Variants in GALK2 observed in about 807,000 individuals in gnomAD.
GALK2 encodes the protein N-acetylgalactosamine kinase.
A neutral mutation model predicts 52.4 loss-of-function variants in GALK2; 36 were observed. That is an observed-to-expected ratio of 0.69 (90% CI 0.53 to 0.91). The LOEUF is 0.91. Among genes scored for constraint, GALK2 ranks in the 40% least tolerant of loss-of-function variants. The probability of loss-of-function intolerance (pLI) is 0.00; values close to 1 mark genes in which losing one functional copy is unlikely to be tolerated. For synonymous variants in GALK2, 176 were observed against 199.1 expected (o/e 0.88, Z 0.98); for missense variants, 579 against 559.1 (o/e 1.04, Z -0.36).
chr15:49,183,991 A>G (rs190434152), intron 1 of GALK2, among the ~76,000 whole-genome samples: 1 of 152,268 alleles, frequency 6.6e-6, no homozygotes, highest in East Asian at 1.9e-4. Context: ...TCCATTTGTT[A>G]TAGTGCAGAT....
At chr15:49,190,573 T>C (rs1478037421) in intron 1 of GALK2, among the ~76,000 whole-genome samples, 2 of 152,248 alleles carry the variant, frequency 1.3e-5, no homozygotes, top group Non-Finnish European at 2.9e-5. Context: ...AATTTAGTTT[T>C]GTTAAAGCAA....
At chr15:49,165,817 T>A (rs1408355991), upstream of GALK2, among the ~76,000 whole-genome samples, 1 of 150,480 alleles carries the variant, frequency 6.6e-6, no homozygotes, top group African/African-American at 2.4e-5. Flanking sequence ...TTTTTTTTTT[T>A]ATTGAGACGG....
rs748578957 is a variant in GALK2, at chr15:49,217,351, G to T, written c.266+38G>T. On this transcript the variant is annotated intron_variant, in intron 3 of 9. Coordinates refer to ENST00000560031, the MANE Select transcript of GALK2 (RefSeq NM_002044.4). ...AATTGTTAGTGTGTGTGTATGTATG[G>T]TTCTGTTTGTACCCAAATGAACTCT... is the stretch of plus-strand genomic sequence containing the variant. 6.9e-6 allele frequency: 11 copies of T among 1,599,808 alleles called. No homozygotes were observed. The East Asian group carries it at 2.5e-4, about 36-fold the overall frequency.
chr15:49,181,694 A>G (rs2141223346), intron 1 of GALK2, among the ~76,000 whole-genome samples: 1 of 152,018 alleles, frequency 6.6e-6, no homozygotes, highest in Non-Finnish European at 1.5e-5. Context: ...GTATTTAAAA[A>G]AAATAGTTTT....
chr15:49,356,937 A>T (rs1332944845), intron 3 of GALK2, among the ~76,000 whole-genome samples: 1 of 148,938 alleles, frequency 6.7e-6, no homozygotes, highest in Non-Finnish European at 1.5e-5. Flanking sequence ...ATCTCACTCA[A>T]AACCGCTCCA....
intron 5 of GALK2, among the ~76,000 whole-genome samples, chr15:49,271,595 C>G (rs2030633143): frequency 6.6e-6 from 1 of 152,166 alleles, no homozygotes; most frequent in South Asian, 2.1e-4. Flanking sequence ...GCTGAATGAT[C>G]TTGGGCAGTT....
Position 49,328,270 on chromosome 15 carries a change from G to A in GALK2, c.*111G>A. On this transcript the variant is annotated 3_prime_UTR_variant, in exon 10 of 10. Transcript: ENST00000560031. ...CTGTTTTGTATTATGATGAACGGTT[G>A]CTATTATATCAAGATATATTTTCAA... The A allele has an allele frequency of 1.4e-6, 2 of 1,450,956 alleles. No individual in the cohort carries two copies. Among genetic ancestry groups the A allele is most frequent in the South Asian group, 1.5e-5 (1 of 66,604 alleles). 89.9% of individuals were successfully genotyped at this position (1,450,956 alleles called of 1,614,324 possible). A position where few individuals can be genotyped will look rare whatever the true frequency, so the allele number is the denominator to read the frequency against.
intron 5 of GALK2, among the ~76,000 whole-genome samples, chr15:49,249,741 C>G (rs748766806): frequency 3.3e-5 from 5 of 152,202 alleles, no homozygotes; most frequent in Non-Finnish European, 7.3e-5. Flanking sequence ...TCTTAAATAT[C>G]TGCTAGCTCT....
intron 5 of GALK2, among the ~76,000 whole-genome samples, chr15:49,271,691 C>T (rs1036103295): frequency 5.3e-5 from 8 of 152,142 alleles, no homozygotes; most frequent in African/African-American, 1.9e-4. Context: ...AGATAGAACA[C>T]AAAAAGTGCT....
chr15:49,234,582 G>A (rs2090689342), intron 3 of GALK2, among the ~76,000 whole-genome samples: 1 of 152,056 alleles, frequency 6.6e-6, no homozygotes, highest in Non-Finnish European at 1.5e-5. Flanking sequence ...CATGTGCAGG[G>A]GAACTCCCCT....
intron 5 of GALK2, among the ~76,000 whole-genome samples, chr15:49,257,173 T>G (rs147093763): frequency 9.8e-5 from 15 of 152,308 alleles, no homozygotes; most frequent in African/African-American, 3.4e-4. Flanking sequence ...GCATTTGTGC[T>G]AGTTGCTGGG....
intron 8 of GALK2, among the ~76,000 whole-genome samples, chr15:49,308,627 G>A (rs932304920): frequency 6.6e-6 from 1 of 152,114 alleles, no homozygotes; most frequent in Non-Finnish European, 1.5e-5. Context: ...ATGAGGCTAC[G>A]TGGAGAAACT....
chr15:49,276,534 G>C (rs2031693552), intron 5 of GALK2, among the ~76,000 whole-genome samples: 1 of 152,186 alleles, frequency 6.6e-6, no homozygotes, highest in Non-Finnish European at 1.5e-5. Flanking sequence ...CATAATTTAA[G>C]TAGGTATGGA....
chr15:49,246,447 T>A (rs566971801), intron 5 of GALK2, among the ~76,000 whole-genome samples: 6 of 152,130 alleles, frequency 3.9e-5, no homozygotes, highest in Non-Finnish European at 8.8e-5. Flanking sequence ...AAACCCACTT[T>A]GGAGGATCTG....
At chr15:49,209,475 T>C (rs2088621224) in intron 2 of GALK2, among the ~76,000 whole-genome samples, 1 of 152,196 alleles carries the variant, frequency 6.6e-6, no homozygotes. Flanking sequence ...GTTTGTCATA[T>C]ATGGCCTTTA....
chr15:49,261,744 C>A (rs1311493093), intron 5 of GALK2, among the ~76,000 whole-genome samples: 2 of 152,030 alleles, frequency 1.3e-5, no homozygotes, highest in East Asian at 3.8e-4. Flanking sequence ...TACATCCCAT[C>A]AATACCTAAT....
chr15:49,283,973 C>G (rs998472094), intron 7 of GALK2, among the ~76,000 whole-genome samples: 6 of 152,080 alleles, frequency 3.9e-5, no homozygotes, highest in African/African-American at 1.4e-4. Context: ...TAGGTTAGGT[C>G]TATGGGTGGA....
chr15:49,296,407 T>G (rs2034481897), intron 8 of GALK2, among the ~76,000 whole-genome samples: 1 of 152,190 alleles, frequency 6.6e-6, no homozygotes, highest in Admixed American at 6.6e-5. Context: ...TTAATTTGTT[T>G]AGGATAATGT....
chr15:49,316,032 T>C (rs1446616816), intron 8 of GALK2, among the ~76,000 whole-genome samples: 1 of 152,228 alleles, frequency 6.6e-6, no homozygotes, highest in Non-Finnish European at 1.5e-5. Flanking sequence ...TATTACAGGA[T>C]ATGGCCCTAA....
Sources: allele counts gnomAD v4.1 joint callset (sites outside exome capture counted in the v4.1 genomes callset), GRCh38; gene constraint gnomAD v4.1.1; transcripts MANE v1.5; gene names NCBI Gene and HGNC (gene_info 2026-07-23, HGNC 2026-07-21).